PTH2R: variants seen among roughly 807,000 people sequenced by gnomAD.
PTH2R encodes parathyroid hormone 2 receptor, also known as PTH2 receptor.
In PTH2R, 59 loss-of-function variants were observed where a neutral mutation model predicts 60.3. The observed-to-expected ratio is 0.98, with a 90% CI of 0.79 to 1.22. The LOEUF (loss-of-function observed/expected upper bound fraction) is 1.22. PTH2R is among the 50% of genes most tolerant of loss of function. The probability of loss-of-function intolerance (pLI) is 0.00; values close to 1 mark genes in which losing one functional copy is unlikely to be tolerated. For missense variants in PTH2R, 749 were observed against 682.6 expected (o/e 1.10, Z -1.08); for synonymous variants, 256 against 243.8 (o/e 1.05, Z -0.47).
chr2:208,439,605 A>G (rs1702143390), intron 4 of PTH2R, among the ~76,000 whole-genome samples: 1 of 152,058 alleles, frequency 6.6e-6, no homozygotes, highest in Non-Finnish European at 1.5e-5. Context: ...GATATTTTTG[A>G]GCACTATTTT....
In PTH2R at chr2:208,428,238, T is replaced by C. The variant is rs750291322; in HGVS notation, c.113T>C (p.Ile38Thr). Residue 38 changes from isoleucine (I) to threonine (T), a missense_variant, in exon 2 of 13, where the codon ATT becomes ACT. Physicochemically the swap from Ile to Thr is moderately conservative, Grantham distance 89. Coordinates refer to ENST00000272847, the MANE Select transcript of PTH2R (RefSeq NM_005048.4). The stretch of plus-strand genomic sequence containing the variant: ...GGCACCATTACTATAGAGGAGCAGA[T>C]TGTCCTTGTGCTGAAAGCGAAAGTA... ...SDGTITIEEQ[I>T]VLVLKAKVQC... The C allele has an allele frequency of 1.5e-5, 25 of 1,613,426 alleles. No homozygotes were observed. The highest frequency in any genetic ancestry group is 1.4e-5 in the Non-Finnish European group (17 of 1,179,722).
At chr2:208,480,368 A>C (rs185269872) in intron 9 of PTH2R, among the ~76,000 whole-genome samples, 1 of 152,066 alleles carries the variant, frequency 6.6e-6, no homozygotes, top group Non-Finnish European at 1.5e-5. Flanking sequence ...TCAGGCCTCC[A>C]TCCCCTTATG....
Position 208,390,749 on chromosome 2 carries a change from A to C in PTH2R, c.-259+30512A>C, listed in dbSNP as rs572639178. ...TTGCAAATAGTAGAGTGAGTATAAC[A>C]ATTTCTGCAAGGGTGGCATAGTAAA... On this transcript the variant is annotated intron_variant, in intron 1 of 12. Coordinates refer to the PTH2R transcript ENST00000617735. 3.3e-5 allele frequency among the ~76,000 whole-genome samples: 5 copies of C among 152,342 alleles called. No homozygotes were observed. The South Asian group carries it at 6.2e-4, about 19-fold the overall frequency.
chr2:208,473,474 C>A (rs1363492300), intron 9 of PTH2R, among the ~76,000 whole-genome samples: 1 of 152,152 alleles, frequency 6.6e-6, no homozygotes, highest in African/African-American at 2.4e-5. Flanking sequence ...CTGGACTGGA[C>A]AAATTCCTTT....
rs556301496 is a variant in PTH2R at position 208,412,140 on chromosome 2, A to T, written c.75+5022A>T. 2.0e-5 allele frequency among the ~76,000 whole-genome samples: 3 copies of T among 152,330 alleles called. No homozygotes were observed. In the South Asian group the frequency reaches 6.2e-4, roughly 32 times the overall value. On this transcript the variant is annotated intron_variant, in intron 1 of 12. Coordinates refer to ENST00000272847, the MANE Select transcript of PTH2R (RefSeq NM_005048.4). The stretch of plus-strand genomic sequence containing the variant: ...ATAGCAATTGGACATTTTCTTCATA[A>T]CACTGATAGCTGTTATAATATTACA...
chr2:208,461,007 AC>A (rs931650678), intron 9 of PTH2R, among the ~76,000 whole-genome samples: 16 of 152,120 alleles, frequency 1.1e-4, no homozygotes, highest in African/African-American at 2.7e-4. Flanking sequence ...AAGCTTATTT[AC>A]CTCATAGGAA....
At chr2:208,437,725 A>G (rs939190023) in intron 3 of PTH2R, 35 bp from the exon 4 acceptor site, 1 of 1,606,764 alleles carries the variant, frequency 6.2e-7, no homozygotes. Context: ...TTCTAAGGGA[A>G]CTGAGCGATC....
At chr2:208,413,395 C>G (rs532701423) in intron 1 of PTH2R, among the ~76,000 whole-genome samples, 1 of 152,132 alleles carries the variant, frequency 6.6e-6, no homozygotes, top group Non-Finnish European at 1.5e-5. Flanking sequence ...TTACCAGAGA[C>G]AGCATTTGAC....
chr2:208,464,598 GC>G (rs1472897276), intron 9 of PTH2R, among the ~76,000 whole-genome samples: 1 of 152,164 alleles, frequency 6.6e-6, no homozygotes, highest in African/African-American at 2.4e-5. Context: ...TAGATTTTGG[GC>G]CAGGCTGTCT....
chr2:208,462,999 T>G (rs1702664270), intron 9 of PTH2R, among the ~76,000 whole-genome samples: 1 of 152,174 alleles, frequency 6.6e-6, no homozygotes, highest in Non-Finnish European at 1.5e-5. Flanking sequence ...AGGGCTTCGT[T>G]GAAGCTGGCA....
chr2:208,365,936 A>T (rs1700572604), intron 1 of PTH2R, among the ~76,000 whole-genome samples: 1 of 8,594 alleles, frequency 1.2e-4, no homozygotes, highest in African/African-American at 4.0e-4. Context: ...ATAAATATAT[A>T]TATATATATA....
chr2:208,375,758 T>A (rs1700781775), intron 1 of PTH2R, among the ~76,000 whole-genome samples: 1 of 152,094 alleles, frequency 6.6e-6, no homozygotes, highest in Non-Finnish European at 1.5e-5. Context: ...GTCATTTTGA[T>A]TTCCAGAGAA....
intron 9 of PTH2R, among the ~76,000 whole-genome samples, chr2:208,461,850 G>A (rs970432652): frequency 6.6e-6 from 1 of 152,180 alleles, no homozygotes; most frequent in Admixed American, 6.5e-5. Flanking sequence ...AAACAGTAAA[G>A]CTAGGTGATT....
At position 208,490,640 on chromosome 2, in the gene PTH2R, G is replaced by A. The variant is rs374007264; in HGVS notation, c.1217G>A (p.Gly406Asp). 8.7e-6 allele frequency: 14 copies of A among 1,610,404 alleles called. No homozygotes were observed. Among genetic ancestry groups the A allele is most frequent in the Non-Finnish European group, 9.3e-6 (11 of 1,179,176 alleles). Residue 406 changes from glycine to aspartate, a missense_variant and splice_region_variant, in exon 12 of 13, where the codon GGT (glycine) becomes GAT (aspartate). Physicochemically the swap from Gly to Asp is moderately conservative, Grantham distance 94. Transcript: ENST00000272847. ...GCTGACTTTCTCTTTTGTCTGCAGG[G>A]TTTCTTTGTGTCTATCATCTACTGC... ...HCELFFNSFQ[G>D]FFVSIIYCYC...
intron 2 of PTH2R, among the ~76,000 whole-genome samples, chr2:208,430,357 T>C (rs1701943924): frequency 1.3e-5 from 2 of 152,142 alleles, no homozygotes; most frequent in African/African-American, 4.8e-5. Context: ...TCAGTTTTTG[T>C]CTGTTGGAAA....
intron 1 of PTH2R, among the ~76,000 whole-genome samples, chr2:208,386,728 G>A (rs754375568): frequency 6.6e-6 from 1 of 152,164 alleles, no homozygotes; most frequent in Admixed American, 6.5e-5. Flanking sequence ...CAGATTTCTC[G>A]CTGTATTCTC....
intron 7 of PTH2R, among the ~76,000 whole-genome samples, chr2:208,446,244 A>G (rs1424518477): frequency 6.6e-6 from 1 of 152,082 alleles, no homozygotes; most frequent in Non-Finnish European, 1.5e-5. Context: ...GGGCTTTATC[A>G]CTCAGTCTGT....
Position 208,437,583 on chromosome 2 carries a change from A to C in PTH2R, c.225A>C (p.Arg75Ser). 2 of 1,613,762 alleles carry C rather than the reference A, an allele frequency of 1.2e-6. No homozygotes were observed. The highest frequency in any genetic ancestry group is 1.1e-5 in the South Asian group (1 of 90,962). ...PEWDGLICWP[R>S]GTVGKISAVP... ...GGGATGGACTCATTTGTTGGCCCAG[A>C]GGAACAGTGGGGAAAATATCGGCTG... is the stretch of plus-strand genomic sequence containing the variant. Residue 75 changes from arginine to serine, a missense_variant, in exon 3 of 13, where the codon AGA (arginine) becomes AGC (serine). Transcript: ENST00000272847.
chr2:208,407,206 G>A (rs566023126), intron 1 of PTH2R, 88 bp downstream of exon 1: 1 of 1,194,856 alleles, frequency 8.4e-7, no homozygotes, highest in South Asian at 2.2e-5. Flanking sequence ...GTGCGCGCGA[G>A]AGCTCATTCA....
Sources: gnomAD v4.1 joint callset for allele counts (sites outside exome capture counted in the v4.1 genomes callset) on GRCh38, gnomAD v4.1.1 for gene constraint, MANE v1.5 for transcripts, NCBI Gene and HGNC (gene_info 2026-07-23, HGNC 2026-07-21) for gene names.